NAA11: variants seen among roughly 807,000 people sequenced by gnomAD.
The protein encoded by NAA11 is N-alpha-acetyltransferase 11.
In NAA11, 15 loss-of-function variants were observed where a neutral mutation model predicts 16.1. The ratio of observed to expected loss-of-function variants is 0.93; its 90% CI spans 0.62 to 1.44. The LOEUF is 1.44. Among genes scored for constraint, NAA11 ranks in the 40% most tolerant of loss-of-function variants. The pLI is 0.00. For synonymous variants in NAA11, 122 were observed against 112.4 expected, an observed-to-expected ratio of 1.09 and a Z score of -0.54; for missense variants, 298 against 291.3, an observed-to-expected ratio of 1.02 and a Z score of -0.17.
chr4:79,234,575 C>CTT (rs1423800339), intron 2 of NAA11, among the ~76,000 whole-genome samples: 1 of 152,052 alleles, frequency 6.6e-6, no homozygotes, highest in Non-Finnish European at 1.5e-5. Flanking sequence ...CATTGCTTTG[C>CTT]TTTTGTTCAG....
intron 1 of NAA11, among the ~76,000 whole-genome samples, chr4:79,303,557 T>A (rs534423682): frequency 7.9e-5 from 12 of 152,156 alleles, no homozygotes; most frequent in Non-Finnish European, 1.5e-4. Flanking sequence ...ACAGTGCCAT[T>A]TGAAAGTAGC....
chr4:79,215,940 T>A, the NAA11 span, among the ~76,000 whole-genome samples: 2 of 152,174 alleles, frequency 1.3e-5, no homozygotes, highest in Non-Finnish European at 2.9e-5. Context: ...AATTATATTA[T>A]TAACTATTAT....
chr4:79,261,690 T>C (rs1326285144), intron 2 of NAA11, among the ~76,000 whole-genome samples: 1 of 152,204 alleles, frequency 6.6e-6, no homozygotes, highest in African/African-American at 2.4e-5. Context: ...AATTGTGTTC[T>C]GTGCCATTTA....
intron 1 of NAA11, among the ~76,000 whole-genome samples, chr4:79,310,023 C>T (rs534911587): frequency 1.3e-4 from 20 of 152,190 alleles, no homozygotes; most frequent in Non-Finnish European, 2.4e-4. Flanking sequence ...CCTATTCTAT[C>T]GTTATTGATA....
At chr4:79,215,966 A>G in the NAA11 span, among the ~76,000 whole-genome samples, 2 of 152,202 alleles carry the variant, frequency 1.3e-5, no homozygotes, top group East Asian at 3.8e-4. Flanking sequence ...TTGGTAAACC[A>G]TAACTATTAC....
chr4:79,305,883 C>T (rs1344397620), intron 1 of NAA11, among the ~76,000 whole-genome samples: 1 of 152,104 alleles, frequency 6.6e-6, no homozygotes, highest in East Asian at 1.9e-4. Flanking sequence ...TTATTTACAT[C>T]CCCTTTGAAA....
At chr4:79,163,597 A>G in the NAA11 span, among the ~76,000 whole-genome samples, 6 of 152,128 alleles carry the variant, frequency 3.9e-5, no homozygotes, top group Non-Finnish European at 8.8e-5. Flanking sequence ...GACTGACACA[A>G]GGTTTGTTCC....
chr4:79,206,748 C>T, the NAA11 span, among the ~76,000 whole-genome samples: 1 of 152,086 alleles, frequency 6.6e-6, no homozygotes, highest in Non-Finnish European at 1.5e-5. Context: ...TCGGACACAG[C>T]AATAAGGTAG....
chr4:79,193,471 A>G, the NAA11 span, among the ~76,000 whole-genome samples: 6 of 152,166 alleles, frequency 3.9e-5, no homozygotes, highest in African/African-American at 1.4e-4. Context: ...AGCACCATTT[A>G]TTAAATAGGG....
the NAA11 span, among the ~76,000 whole-genome samples, chr4:79,208,323 A>C: frequency 2.0e-5 from 3 of 152,182 alleles, no homozygotes; most frequent in Non-Finnish European, 4.4e-5. Context: ...TTAATAATTA[A>C]ATGTGATAAT....
the NAA11 span, among the ~76,000 whole-genome samples, chr4:79,191,702 A>G: frequency 6.6e-6 from 1 of 152,088 alleles, no homozygotes; most frequent in African/African-American, 2.4e-5. Context: ...CCCACTTGTC[A>G]ATTTTTGCTT....
intron 2 of NAA11, among the ~76,000 whole-genome samples, chr4:79,282,286 G>A (rs983505453): frequency 6.6e-6 from 1 of 152,052 alleles, no homozygotes; most frequent in Non-Finnish European, 1.5e-5. Context: ...AGGCTTAGGG[G>A]TTTTAATTTG....
the NAA11 span, among the ~76,000 whole-genome samples, chr4:79,176,346 TG>T: frequency 6.6e-6 from 1 of 152,102 alleles, no homozygotes; most frequent in Non-Finnish European, 1.5e-5. Context: ...ACAGAACCAA[TG>T]GGATATGTAT....
intron 1 of NAA11, among the ~76,000 whole-genome samples, chr4:79,310,783 G>A (rs1723749419): frequency 6.6e-6 from 1 of 152,182 alleles, no homozygotes; most frequent in African/African-American, 2.4e-5. Flanking sequence ...ATTTATGAAA[G>A]TTGCTTATTA....
At chr4:79,164,798 A>C in the NAA11 span, among the ~76,000 whole-genome samples, 3 of 152,202 alleles carry the variant, frequency 2.0e-5, no homozygotes, top group Admixed American at 6.5e-5. Context: ...CCTTTAAGGG[A>C]AAGAGTATAA....
intron 1 of NAA11, among the ~76,000 whole-genome samples, chr4:79,309,876 C>T (rs1021742182): frequency 1.3e-5 from 2 of 151,860 alleles, no homozygotes; most frequent in African/African-American, 4.8e-5. Flanking sequence ...CCACCACGCC[C>T]GGCTAATCTT....
chr4:79,216,754 G>C, the NAA11 span, among the ~76,000 whole-genome samples: 1 of 152,100 alleles, frequency 6.6e-6, no homozygotes, highest in Non-Finnish European at 1.5e-5. Context: ...TTTCTTACCA[G>C]AACTTGACTT....
intron 2 of NAA11, among the ~76,000 whole-genome samples, chr4:79,288,246 G>T (rs776101601): frequency 1.3e-5 from 2 of 152,004 alleles, no homozygotes; most frequent in Non-Finnish European, 2.9e-5. Context: ...TGTATTAGCA[G>T]AAACAGAAAA....
the NAA11 span, among the ~76,000 whole-genome samples, chr4:79,161,857 A>G: frequency 6.6e-6 from 1 of 151,850 alleles, no homozygotes; most frequent in African/African-American, 2.4e-5. Flanking sequence ...TAATTTTTCT[A>G]TTTTTAGTAC....
Sources: allele counts gnomAD v4.1 joint callset (sites outside exome capture counted in the v4.1 genomes callset), GRCh38; gene constraint gnomAD v4.1.1; transcripts MANE v1.5; gene names NCBI Gene and HGNC (gene_info 2026-07-23, HGNC 2026-07-21).